DNAH6: variants seen among roughly 807,000 people sequenced by gnomAD.
The protein encoded by DNAH6 is dynein axonemal heavy chain 6, also known as axonemal beta dynein heavy chain 6.
A neutral mutation model predicts 491.4 loss-of-function variants in DNAH6; 340 were observed. The ratio of observed to expected loss-of-function variants is 0.69; its 90% CI spans 0.63 to 0.76. DNAH6 has a LOEUF of 0.76. Among genes scored for constraint, DNAH6 ranks in the 30% least tolerant of loss-of-function variants. DNAH6 has a pLI of 0.00. For missense variants in DNAH6, 4,443 were observed against 4,972.2 expected, an observed-to-expected ratio of 0.89 and a Z score of 3.20; for synonymous variants, 1,603 against 1,686.1, an observed-to-expected ratio of 0.95 and a Z score of 1.21.
chr2:84,648,347 A>G (rs1690096712), intron 33 of DNAH6, among the ~76,000 whole-genome samples: 1 of 152,228 alleles, frequency 6.6e-6, no homozygotes, highest in Admixed American at 6.5e-5. Flanking sequence ...AGTACTTTCA[A>G]CTTTCAAGTC....
intron 13 of DNAH6, among the ~76,000 whole-genome samples, chr2:84,578,989 T>C (rs1682747644): frequency 6.6e-6 from 1 of 152,196 alleles, no homozygotes; most frequent in Admixed American, 6.5e-5. Context: ...TGATTGTAAG[T>C]TTCCTGAAGC....
intron 51 of DNAH6, 142 bp from the exon 52 acceptor site, chr2:84,705,344 C>T: frequency 1.2e-6 from 1 of 842,496 alleles, no homozygotes; most frequent in Non-Finnish European, 1.7e-6. Context: ...GTGCACCTAA[C>T]TACCAATTAC....
chr2:84,704,164 C>T lies in DNAH6; in HGVS notation c.8327C>T (p.Ala2776Val). 6.4e-7 allele frequency: 1 copy of T among 1,551,878 alleles called. No homozygotes were observed. ...ADDAQRDLDE[A>V]LPALDAANKA... ...GATGCTCAAAGAGATCTTGACGAGGCACTACCTGCACTAGATGCTGCCAAT... is the reference window on the plus strand; with the variant it reads ...GATGCTCAAAGAGATCTTGACGAGGTACTACCTGCACTAGATGCTGCCAAT... The change falls in exon 51 of 77, where the codon GCA becomes GTA. Residue 2776 changes from alanine (A) to valine (V), a missense_variant. Physicochemically the swap from Ala to Val is moderately conservative, Grantham distance 64. Transcript: ENST00000389394.
At chr2:84,816,213 A>G (rs1383086066) in intron 76 of DNAH6, 130 bp downstream of exon 76, 3 of 635,202 alleles carry the variant, frequency 4.7e-6, no homozygotes, top group Non-Finnish European at 8.0e-6. Context: ...GAAGCCACCT[A>G]TAACATACAA....
intron 22 of DNAH6, among the ~76,000 whole-genome samples, chr2:84,616,309 G>C (rs924885362): frequency 6.6e-6 from 1 of 151,880 alleles, no homozygotes; most frequent in Non-Finnish European, 1.5e-5. Context: ...TTGTGTTGTT[G>C]TCTATCTCAT....
intron 33 of DNAH6, among the ~76,000 whole-genome samples, chr2:84,648,798 T>C (rs1227417771): frequency 6.6e-6 from 1 of 152,188 alleles, no homozygotes; most frequent in Non-Finnish European, 1.5e-5. Context: ...AACAAAAGAC[T>C]CTGTTGCATA....
intron 62 of DNAH6, among the ~76,000 whole-genome samples, chr2:84,739,663 A>G (rs1672330995): frequency 6.6e-6 from 1 of 151,916 alleles, no homozygotes; most frequent in Non-Finnish European, 1.5e-5. Context: ...TGTATTTTGA[A>G]TTTCCTGATG....
Position 84,780,772 on chromosome 2 carries a change from G to A in DNAH6, c.10704-721G>A, listed in dbSNP as rs761834811. 9.2e-5 allele frequency among the ~76,000 whole-genome samples: 13 copies of A among 141,584 alleles called. 1 individual carries two copies. In the South Asian group the frequency reaches 1.9e-3, roughly 21 times the overall value. 92.9% of individuals were successfully genotyped at this position (141,584 alleles called of 152,430 possible). On this transcript the variant is annotated intron_variant, in intron 64 of 76. Transcript: ENST00000389394. The stretch of plus-strand genomic sequence containing the variant: ...ATCATTTTCAAGTTTCTGTCATTTC[G>A]TTGAGGCTTTTTTTTTTGTATTCCT...
chr2:84,588,974 ATCTGTC>A lies in DNAH6; in HGVS notation c.2610+22_2610+27del. On this transcript the variant is annotated intron_variant, in intron 16 of 76. Transcript: ENST00000389394. ...TTTAAGGTAATGACAGTTTTACACC[ATCTGTC>A]TTAGAAATGTGTGTATAGAAATGGC... 6.5e-7 allele frequency: 1 copy of A among 1,537,008 alleles called. No homozygotes were observed. The highest frequency in any genetic ancestry group is 1.4e-5 in the African/African-American group (1 of 72,198).
chr2:84,525,163 A>G (rs1676494755), intron 2 of DNAH6, among the ~76,000 whole-genome samples: 2 of 152,050 alleles, frequency 1.3e-5, no homozygotes, highest in Admixed American at 6.6e-5. Flanking sequence ...GATCTTCAAT[A>G]AGTTATGGCT....
chr2:84,625,212 G>A lies in DNAH6; in HGVS notation c.4515+149G>A, dbSNP rs928519105. On this transcript the variant is annotated intron_variant, in intron 29 of 76. Coordinates refer to ENST00000389394, the MANE Select transcript of DNAH6 (RefSeq NM_001370.2). Reference sequence around the variant, plus strand: ...AATAATGGTTAAAGTGGAATAAATAGAGCAAGGGAGAAGAGTCAACACGTG... The same window carrying A: ...AATAATGGTTAAAGTGGAATAAATAAAGCAAGGGAGAAGAGTCAACACGTG... 36 of 760,532 alleles carry A rather than the reference G, an allele frequency of 4.7e-5. No individual in the cohort carries two copies. The African/African-American group carries it at 6.2e-4, about 13-fold the overall frequency. The allele number at this position is 760,532 out of a possible 1,614,324, so 47.1% of individuals were successfully genotyped here. A position where few individuals can be genotyped will look rare whatever the true frequency, so the allele number is the denominator to read the frequency against.
At chr2:84,505,131 T>A in the DNAH6 span, among the ~76,000 whole-genome samples, 1 of 152,324 alleles carries the variant, frequency 6.6e-6, no homozygotes, top group South Asian at 2.1e-4. Flanking sequence ...CATGGAATTG[T>A]TTTCTTTTTC....
At chr2:84,722,855 A>C in intron 60 of DNAH6, 51 bp downstream of exon 60, 2 of 1,112,932 alleles carry the variant, frequency 1.8e-6, no homozygotes, top group Non-Finnish European at 2.5e-6. Context: ...CCTCCATTAC[A>C]CCTGTTGAAT....
rs901707168 is a variant in DNAH6, at chr2:84,705,517, G to C, written c.8497G>C (p.Gly2833Arg). ...TTGGCCATCAGCAAAGCAACTTCTTGGTGACTCTAACTTTCTAAAAAGGCT... is the reference window on the plus strand; with the variant it reads ...TTGGCCATCAGCAAAGCAACTTCTTCGTGACTCTAACTTTCTAAAAAGGCT... ...PDWPSAKQLL[G>R]DSNFLKRLLE... Residue 2833 changes from glycine (G) to arginine (R), a missense_variant, in exon 52 of 77, where the codon GGT (glycine) becomes CGT (arginine). Coordinates refer to ENST00000389394, the MANE Select transcript of DNAH6 (RefSeq NM_001370.2). 7 of 1,549,690 alleles carry C rather than the reference G, an allele frequency of 4.5e-6. No individual in the cohort carries two copies. The African/African-American group carries it at 9.6e-5, about 21-fold the overall frequency.
intron 38 of DNAH6, 65 bp from the exon 39 acceptor site, chr2:84,670,263 C>G (rs1225607425): frequency 1.7e-6 from 2 of 1,157,808 alleles, no homozygotes; most frequent in African/African-American, 3.2e-5. Flanking sequence ...TTGTGCCAAA[C>G]TATTACAGAT....
At chr2:84,548,255 T>A in intron 7 of DNAH6, 33 bp from the exon 8 acceptor site, 1 of 1,582,550 alleles carries the variant, frequency 6.3e-7, no homozygotes, top group Non-Finnish European at 8.6e-7. Context: ...TTTACACAAG[T>A]ACACTTGTTG....
Position 84,704,195 on chromosome 2 carries a change from A to C in DNAH6, c.8358A>C (p.Ala2786=), listed in dbSNP as rs1696209873. The C allele has an allele frequency of 6.4e-7, 1 of 1,551,942 alleles. No homozygotes were observed. Among genetic ancestry groups the C allele is most frequent in the Non-Finnish European group, 8.7e-7 (1 of 1,147,076 alleles). Residue 2786 remains alanine, a synonymous_variant, in exon 51 of 77, where the codon GCA becomes GCC. Coordinates refer to ENST00000389394, the MANE Select transcript of DNAH6 (RefSeq NM_001370.2). Reference sequence around the variant, plus strand: ...CTGCACTAGATGCTGCCAATAAAGCACTGGATTCCTTAGATAAGGCAGATA... The same window carrying C: ...CTGCACTAGATGCTGCCAATAAAGCCCTGGATTCCTTAGATAAGGCAGATA... ...ALPALDAANK[A]LDSLDKADIS...
At chr2:84,556,450 C>T (rs1680034205) in intron 10 of DNAH6, among the ~76,000 whole-genome samples, 1 of 152,216 alleles carries the variant, frequency 6.6e-6, no homozygotes, top group Non-Finnish European at 1.5e-5. Context: ...AATGACTTAG[C>T]AAGGATTATA....
chr2:84,709,589 A>T (rs1401064214), intron 55 of DNAH6, 43 bp downstream of exon 55: 10 of 1,540,444 alleles, frequency 6.5e-6, no homozygotes, highest in Non-Finnish European at 7.9e-6. Flanking sequence ...GGTTCTGCTT[A>T]ATGTTGAGCT....
Sources: allele counts gnomAD v4.1 joint callset (sites outside exome capture counted in the v4.1 genomes callset), GRCh38; gene constraint gnomAD v4.1.1; transcripts MANE v1.5; gene names NCBI Gene and HGNC (gene_info 2026-07-23, HGNC 2026-07-21).